The following FHIT variants were observed in gnomAD, a reference collection of about 807,000 sequenced individuals.
FHIT encodes the protein fragile histidine triad diadenosine triphosphatase, also known as bis(5'-adenosyl)-triphosphatase.
FHIT carries 19 observed loss-of-function variants against 17.9 expected under a neutral mutation model. That is an observed-to-expected ratio of 1.06 (90% CI 0.74 to 1.56). FHIT has a LOEUF of 1.56. Among genes scored for constraint, FHIT ranks in the 40% most tolerant of loss-of-function variants. FHIT has a pLI of 0.00. For synonymous variants in FHIT, 81 were observed against 69.7 expected (o/e 1.16, Z -0.81); for missense variants, 248 against 189.2 (o/e 1.31, Z -1.82).
intron 5 of FHIT, among the ~76,000 whole-genome samples, chr3:60,488,811 C>A (rs2033947559): frequency 6.6e-6 from 1 of 152,084 alleles, no homozygotes; most frequent in Admixed American, 6.6e-5. Context: ...AGAGAAAGAC[C>A]AGTTATCTAA....
At chr3:60,059,142 A>G (rs1246656157) in intron 5 of FHIT, among the ~76,000 whole-genome samples, 1 of 152,216 alleles carries the variant, frequency 6.6e-6, no homozygotes, top group African/African-American at 2.4e-5. Context: ...TCTTTAAAAT[A>G]ATAATTTGTC....
chr3:60,611,387 T>C (rs1387495512), intron 4 of FHIT, among the ~76,000 whole-genome samples: 1 of 152,168 alleles, frequency 6.6e-6, no homozygotes, highest in Non-Finnish European at 1.5e-5. Flanking sequence ...AGTGTTCCAT[T>C]ATAGGAACGC....
chr3:60,842,375 C>A (rs1462781719), intron 3 of FHIT, among the ~76,000 whole-genome samples: 2 of 151,636 alleles, frequency 1.3e-5, no homozygotes, highest in African/African-American at 2.4e-5. Flanking sequence ...AGTGTGACTT[C>A]TTTTCTAGCT....
In FHIT at chr3:60,842,645, ATTTTTTTT is replaced by A. The variant is rs1170383044; in HGVS notation, c.-110-20642_-110-20635del. Among the ~76,000 whole-genome samples, 129 of 94,588 alleles carry A rather than the reference ATTTTTTTT, an allele frequency of 1.4e-3. 1 individual carries two copies. Among genetic ancestry groups the A allele is most frequent in the African/African-American group, 5.2e-3 (125 of 24,234 alleles). The allele number at this position is 94,588 out of a possible 152,430, so 62.1% of individuals were successfully genotyped here. A position where few individuals can be genotyped will look rare whatever the true frequency, so the allele number is the denominator to read the frequency against. ...TATATGAGTGTATATATATATATAT[ATTTTTTTT>A]TTTTTTTTTTTCCCTTGCTAGGCAA... is the stretch of plus-strand genomic sequence containing the variant. On this transcript the variant is annotated intron_variant, in intron 3 of 9. Transcript: ENST00000492590.
intron 5 of FHIT, among the ~76,000 whole-genome samples, chr3:60,189,679 T>C (rs750548388): frequency 2.6e-5 from 4 of 152,202 alleles, no homozygotes; most frequent in Non-Finnish European, 4.4e-5. Flanking sequence ...TCGGCATTGG[T>C]ATTATTTGAA....
chr3:60,865,946 T>G (rs1026078830), intron 3 of FHIT, among the ~76,000 whole-genome samples: 7 of 152,134 alleles, frequency 4.6e-5, no homozygotes, highest in Admixed American at 3.3e-4. Context: ...TGTAGATTTT[T>G]TTTTAAATGG....
Position 60,763,338 on chromosome 3 carries a change from T to A in FHIT, c.-18+58581A>T, listed in dbSNP as rs183049663. 9.0e-4 allele frequency among the ~76,000 whole-genome samples: 137 copies of A among 152,316 alleles called. 3 individuals are homozygous for A. The South Asian group carries it at 0.027, about 30-fold the overall frequency. On this transcript the variant is annotated intron_variant, in intron 4 of 9. Coordinates refer to ENST00000492590, the MANE Select transcript of FHIT (RefSeq NM_002012.4). ...CTTCAAATCTGACCATAAAAAGTCATTATAGAACATTTGAAAGTTCAAAAA... is the reference window on the plus strand; with the variant it reads ...CTTCAAATCTGACCATAAAAAGTCAATATAGAACATTTGAAAGTTCAAAAA...
chr3:61,079,233 T>C (rs1395790134), intron 2 of FHIT, among the ~76,000 whole-genome samples: 1 of 152,174 alleles, frequency 6.6e-6, no homozygotes, highest in Non-Finnish European at 1.5e-5. Flanking sequence ...TTTACCACCT[T>C]GGTCTTAATA....
intron 4 of FHIT, among the ~76,000 whole-genome samples, chr3:60,672,681 T>A (rs2040533821): frequency 6.6e-6 from 1 of 152,238 alleles, no homozygotes; most frequent in African/African-American, 2.4e-5. Context: ...CTATGACTAT[T>A]AATTGGGACA....
chr3:60,264,222 G>C (rs935683771), intron 5 of FHIT, among the ~76,000 whole-genome samples: 1 of 151,916 alleles, frequency 6.6e-6, no homozygotes, highest in Non-Finnish European at 1.5e-5. Flanking sequence ...CTGTATGTAG[G>C]AGTAGCCTGA....
At chr3:61,190,505 T>C (rs1402987469) in intron 2 of FHIT, among the ~76,000 whole-genome samples, 2 of 152,190 alleles carry the variant, frequency 1.3e-5, no homozygotes, top group African/African-American at 4.8e-5. Flanking sequence ...AGTTCAACCA[T>C]TGTGGAAGTC....
chr3:59,834,952 A>G (rs1422911414), intron 8 of FHIT, among the ~76,000 whole-genome samples: 2 of 152,194 alleles, frequency 1.3e-5, no homozygotes, highest in African/African-American at 4.8e-5. Flanking sequence ...CTTACTTAAT[A>G]TGTTGTGTTG....
At chr3:59,860,770 G>C (rs144029945) in intron 8 of FHIT, among the ~76,000 whole-genome samples, 1 of 152,114 alleles carries the variant, frequency 6.6e-6, no homozygotes, top group Non-Finnish European at 1.5e-5. Flanking sequence ...TGTCAGATAA[G>C]GTGTGAGGAA....
intron 8 of FHIT, among the ~76,000 whole-genome samples, chr3:59,757,937 T>C (rs759178038): frequency 1.3e-5 from 2 of 152,174 alleles, no homozygotes; most frequent in Non-Finnish European, 2.9e-5. Context: ...CTAGGTCTTA[T>C]GAAAGATGAT....
chr3:61,070,100 G>A (rs1309853009), intron 2 of FHIT, among the ~76,000 whole-genome samples: 1 of 152,054 alleles, frequency 6.6e-6, no homozygotes, highest in Admixed American at 6.6e-5. Flanking sequence ...CACCATGTTG[G>A]CCAGGCTGGT....
intron 5 of FHIT, among the ~76,000 whole-genome samples, chr3:60,091,936 C>A (rs1447049479): frequency 1.3e-5 from 2 of 152,102 alleles, no homozygotes; most frequent in Non-Finnish European, 2.9e-5. Flanking sequence ...TCAGATATTT[C>A]TTTACAGCAA....
At chr3:60,154,099 G>A (rs1383320825) in intron 5 of FHIT, among the ~76,000 whole-genome samples, 13 of 152,186 alleles carry the variant, frequency 8.5e-5, no homozygotes, top group Admixed American at 8.5e-4. Flanking sequence ...AAGTAAGTTA[G>A]TAACAGAACT....
At chr3:60,690,510 A>G (rs7638652) in intron 4 of FHIT, 34,696 of 559,924 alleles carry the variant, frequency 0.062, 2,656 homozygotes, top group African/African-American at 0.27. Context: ...CAGTGCCATT[A>G]TGGCATGTGA....
intron 3 of FHIT, among the ~76,000 whole-genome samples, chr3:60,843,096 AG>A (rs1553745558): frequency 2.6e-5 from 4 of 152,306 alleles, no homozygotes; most frequent in African/African-American, 9.6e-5. Context: ...AAAGTAAGAA[AG>A]AAAGGAATAC....
Sources: allele counts gnomAD v4.1 joint callset (sites outside exome capture counted in the v4.1 genomes callset), GRCh38; gene constraint gnomAD v4.1.1; transcripts MANE v1.5; gene names NCBI Gene and HGNC (gene_info 2026-07-23, HGNC 2026-07-21).